Variants in RASAL3 observed in about 807,000 individuals in gnomAD.
The protein encoded by RASAL3 is RAS protein activator like-3.
A neutral mutation model predicts 105.5 loss-of-function variants in RASAL3; 74 were observed. The observed-to-expected ratio is 0.70, with a 90% CI of 0.58 to 0.85. RASAL3 has a LOEUF of 0.85. Among genes scored for constraint, RASAL3 ranks in the 40% least tolerant of loss-of-function variants. RASAL3 has a pLI of 0.00. For synonymous variants in RASAL3, 579 were observed against 591.6 expected (o/e 0.98, Z 0.31); for missense variants, 1,352 against 1,392.0 (o/e 0.97, Z 0.46).
At chr19:15,454,332 T>C in intron 13 of RASAL3, 29 bp downstream of exon 13, 1 of 1,588,732 alleles carries the variant, frequency 6.3e-7, no homozygotes, top group Non-Finnish European at 8.6e-7. Context: ...CAAGCCTTCT[T>C]GCCTCCCTAC....
chr19:15,461,581 G>A lies in RASAL3; in HGVS notation c.355C>T (p.Pro119Ser). 6.5e-7 allele frequency: 1 copy of A among 1,530,534 alleles called. No homozygotes were observed. The highest frequency in any genetic ancestry group is 1.4e-5 in the African/African-American group (1 of 71,428). The allele number at this position is 1,530,534 out of a possible 1,614,324, so 94.8% of individuals were successfully genotyped here. The change falls in exon 3 of 18, where the codon CCC becomes TCC. Residue 119 changes from proline to serine, a missense_variant. This residue lies in a region of RASAL3 where 344 missense variants were observed against 339.6 expected (regional missense o/e 1.01). Transcript: ENST00000343625. The part of the protein sequence containing the change: ...PELEPEPELE[P>S]PTPQIPEAPT... ...GCCTCAGGGATCTGTGGGGTAGGGG[G>A]CTCCAGCTCTGGCTCCGGCTCCAGC...
In RASAL3 at chr19:15,457,718, C is replaced by T. The variant is rs1401549589; in HGVS notation, c.1005G>A (p.Ala335=). The part of the protein sequence containing the change: ...GVRAELWLDG[A]LLARTAPRAG... ...CCCGAGGCGCCGTGCGTGCCAGCAG[C>T]GCGCCATCCAGCCACAGCTCGGCGC... is the stretch of plus-strand genomic sequence containing the variant. The change falls in exon 9 of 18, where the codon GCG becomes GCA. Residue 335 remains alanine, a synonymous_variant. Transcript: ENST00000343625. The surrounding 1 kb of genome is among the most constrained non-coding windows in gnomAD (Gnocchi z 8.6). 1 of 1,515,258 alleles carries T rather than the reference C, an allele frequency of 6.6e-7. No homozygotes were observed. Among genetic ancestry groups the T allele is most frequent in the South Asian group, 1.2e-5 (1 of 81,390 alleles). 93.9% of individuals were successfully genotyped at this position (1,515,258 alleles called of 1,614,324 possible). A position where few individuals can be genotyped will look rare whatever the true frequency, so the allele number is the denominator to read the frequency against.
rs765278733 is a variant in RASAL3 at position 15,460,270 on chromosome 19, G to T, written c.607-12C>A. The T allele has an allele frequency of 1.9e-6, 3 of 1,603,230 alleles. No homozygotes were observed. The highest frequency in any genetic ancestry group is 2.6e-6 in the Non-Finnish European group (3 of 1,174,692). On this transcript the variant is annotated splice_polypyrimidine_tract_variant and intron_variant, in intron 5 of 17. Coordinates refer to ENST00000343625, the MANE Select transcript of RASAL3 (RefSeq NM_022904.3). ...CTCTTGAGCAACCCCTGTGGGGAAG[G>T]GAATGTCAGCTGGACAGAAATCTGT...
intron 16 of RASAL3, 54 bp downstream of exon 16, chr19:15,452,604 C>G: frequency 1.6e-6 from 2 of 1,212,244 alleles, no homozygotes; most frequent in Non-Finnish European, 2.2e-6. Flanking sequence ...CTGGTCAGAT[C>G]TAATTGGATC....
At position 15,461,509 on chromosome 19, in the gene RASAL3, G is replaced by C. The variant is rs1276948424; in HGVS notation, c.427C>G (p.Leu143Val). 6.5e-7 allele frequency: 1 copy of C among 1,545,686 alleles called. No individual in the cohort carries two copies. Among genetic ancestry groups the C allele is most frequent in the Non-Finnish European group, 8.7e-7 (1 of 1,145,538 alleles). Reference protein sequence around the residue: ...PVWDIGGFTLLDGKLVLLGGE... With the variant: ...PVWDIGGFTLVDGKLVLLGGE... ...CCAAGCAGCACCAGCTTCCCATCAA[G>C]CAGGGTGAAGCCCCCAATGTCCCAG... is the stretch of plus-strand genomic sequence containing the variant. The change falls in exon 3 of 18, where the codon CTT (leucine) becomes GTT (valine). Residue 143 changes from leucine to valine, a missense_variant. This residue lies in a region of RASAL3 where 344 missense variants were observed against 339.6 expected (regional missense o/e 1.01). Coordinates refer to ENST00000343625, the MANE Select transcript of RASAL3 (RefSeq NM_022904.3).
rs189133549 is a variant in RASAL3 at position 15,464,016 on chromosome 19, G to T, written c.328+15C>A. The T allele has an allele frequency of 3.1e-5, 47 of 1,533,590 alleles. No individual in the cohort carries two copies. The East Asian group carries it at 6.6e-4, about 21-fold the overall frequency. The allele number at this position is 1,533,590 out of a possible 1,614,324, so 95.0% of individuals were successfully genotyped here. On this transcript the variant is annotated intron_variant, in intron 2 of 17. Coordinates refer to ENST00000343625, the MANE Select transcript of RASAL3 (RefSeq NM_022904.3). ...TCCCAGCCCGGCCCAAGCTCAGGGTGGGGGAACCATGTACCTGGGGCCTCC... is the reference window on the plus strand; with the variant it reads ...TCCCAGCCCGGCCCAAGCTCAGGGTTGGGGAACCATGTACCTGGGGCCTCC...
rs567299289 is a variant in RASAL3, at chr19:15,464,366, G to T, written c.-8C>A. ...TGGCGACGGTGGGTCCATGGTTGGG[G>T]GGGGGGGTCTCCTGGGGGACGAGAG... On this transcript the variant is annotated 5_prime_UTR_variant, in exon 2 of 18. Transcript: ENST00000343625. 11 of 1,577,542 alleles carry T rather than the reference G, an allele frequency of 7.0e-6. No individual in the cohort carries two copies. The South Asian group carries it at 1.0e-4, about 14-fold the overall frequency.
chr19:15,463,846 C>A (rs1970584842), intron 2 of RASAL3, among the ~76,000 whole-genome samples, 185 bp downstream of exon 2: 1 of 152,174 alleles, frequency 6.6e-6, no homozygotes, highest in African/African-American at 2.4e-5. Context: ...AGGACCCCGG[C>A]AACTCCTCCT....
At chr19:15,452,427 G>A in intron 16 of RASAL3, 1 of 593,914 alleles carries the variant, frequency 1.7e-6, no homozygotes, top group Non-Finnish European at 3.0e-6. Context: ...TGATGGAGGG[G>A]TGGGGCCTGG....
Position 15,453,376 on chromosome 19 carries a change from G to A in RASAL3, c.2401C>T (p.Arg801Trp), listed in dbSNP as rs546889324. The A allele has an allele frequency of 1.4e-5, 20 of 1,459,752 alleles. No homozygotes were observed. In the African/African-American group the frequency reaches 3.0e-4, roughly 22 times the overall value. 90.4% of individuals were successfully genotyped at this position (1,459,752 alleles called of 1,614,324 possible). A position where few individuals can be genotyped will look rare whatever the true frequency, so the allele number is the denominator to read the frequency against. ...CGCAGGGGCCGCTCTTCGTCCGGCCGTGGCCGGGCCCAACTCTCTGAGCGG... is the reference window on the plus strand; with the variant it reads ...CGCAGGGGCCGCTCTTCGTCCGGCCATGGCCGGGCCCAACTCTCTGAGCGG... ...VRRSESWARP[R>W]PDEERPLRRP... Residue 801 changes from arginine to tryptophan, a missense_variant, in exon 15 of 18, where the codon CGG becomes TGG. Arg to Trp is a moderately radical substitution (Grantham distance 101). Coordinates refer to ENST00000343625, the MANE Select transcript of RASAL3 (RefSeq NM_022904.3). The surrounding 1 kb of genome is among the most constrained non-coding windows in gnomAD (Gnocchi z 4.2).
At position 15,457,646 on chromosome 19, in the gene RASAL3, C is replaced by A; in HGVS notation, c.1077G>T (p.Ala359=). 3.5e-6 allele frequency: 5 copies of A among 1,419,072 alleles called. No individual in the cohort carries two copies. The highest frequency in any genetic ancestry group is 3.7e-6 in the Non-Finnish European group (4 of 1,086,448). The allele number at this position is 1,419,072 out of a possible 1,614,324, so 87.9% of individuals were successfully genotyped here. Residue 359 remains alanine (A), a synonymous_variant, in exon 9 of 18, where the codon GCG becomes GCT. Coordinates refer to ENST00000343625, the MANE Select transcript of RASAL3 (RefSeq NM_022904.3). The surrounding 1 kb of genome is among the most constrained non-coding windows in gnomAD (Gnocchi z 8.6). ...GCGACAGGCGACGTGCCGGTGGCAG[C>A]GCCTCGAAGTGGAAGCGCTCGGCCC... The part of the protein sequence containing the change: ...LFWAERFHFE[A]LPPARRLSLR...
In RASAL3 at chr19:15,459,242, T is replaced by TTTATTTATTTATTTATTTAC. The variant is rs1376962728; in HGVS notation, c.663-588_663-587insGTAAATAAATAAATAAATAA. Among the ~76,000 whole-genome samples the TTTATTTATTTATTTATTTAC allele has an allele frequency of 8.0e-5, 12 of 149,280 alleles. No individual in the cohort carries two copies. The East Asian group carries it at 1.4e-3, about 17-fold the overall frequency. On this transcript the variant is annotated intron_variant, in intron 6 of 17. Coordinates refer to ENST00000343625, the MANE Select transcript of RASAL3 (RefSeq NM_022904.3). Reference sequence around the variant, plus strand: ...GTGTGAGCCACCGTGCCCAGCCCTATTTATTTATTTATTTATTTATTGAGA... The same window carrying TTTATTTATTTATTTATTTAC: ...GTGTGAGCCACCGTGCCCAGCCCTATTTATTTATTTATTTATTTACTTATTTATTTATTTATTTATTGAGA...
chr19:15,461,440 C>T (rs1970506761), intron 3 of RASAL3, 31 bp downstream of exon 3: 3 of 1,541,780 alleles, frequency 1.9e-6, no homozygotes, highest in Non-Finnish European at 2.6e-6. Flanking sequence ...TCTTTCTTCC[C>T]TCCTCCCCTT....
At chr19:15,455,813 C>A (rs1018364147) in intron 11 of RASAL3, among the ~76,000 whole-genome samples, 1 of 152,160 alleles carries the variant, frequency 6.6e-6, no homozygotes, top group Admixed American at 6.5e-5. Context: ...ATGCCTAGCT[C>A]ATTTTTAAAA....
At chr19:15,462,051 A>G (rs374345105) in intron 2 of RASAL3, among the ~76,000 whole-genome samples, 79 of 152,102 alleles carry the variant, frequency 5.2e-4, no homozygotes, top group African/African-American at 1.8e-3. Flanking sequence ...TGGGTCCAAG[A>G]GGTTAAAAAA....
In RASAL3 at chr19:15,454,729, T is replaced by C; in HGVS notation, c.1886A>G (p.His629Arg). 6.2e-7 allele frequency: 1 copy of C among 1,610,492 alleles called. No individual in the cohort carries two copies. Among genetic ancestry groups the C allele is most frequent in the Non-Finnish European group, 8.5e-7 (1 of 1,178,456 alleles). ...APSLFGLAPD[H>R]PAPGPARTLT... is the part of the protein sequence containing the mutation. ...GGTGCGGGCTGGGCCGGGTGCTGGA[T>C]GGTCTGGTGCCAAACCAAAGAGGCT... Residue 629 changes from histidine (H) to arginine (R), a missense_variant, in exon 12 of 18, where the codon CAT becomes CGT. Coordinates refer to ENST00000343625, the MANE Select transcript of RASAL3 (RefSeq NM_022904.3).
chr19:15,456,133 CT>C lies in RASAL3; in HGVS notation c.1691del (p.Glu564GlyfsTer77). The C allele has an allele frequency of 6.2e-7, 1 of 1,613,830 alleles. No individual in the cohort carries two copies. Among genetic ancestry groups the C allele is most frequent in the Non-Finnish European group, 8.5e-7 (1 of 1,179,814 alleles). On this transcript the variant is annotated frameshift_variant, in exon 11 of 18. Coordinates refer to ENST00000343625, the MANE Select transcript of RASAL3 (RefSeq NM_022904.3). LOFTEE classifies it high-confidence loss of function. This position sits in a 1 kb window ranked among gnomAD's most constrained non-coding sequence, Gnocchi z 4.4. ...AGGAATGGATAATGGTTTCGAAGAC[CT>C]CCTCGCAGCTGTTCCGAAGTCTGGC... ...HQARLRNSCE[E>X]VFETIIHSYD...
intron 6 of RASAL3, 118 bp from the exon 7 acceptor site, chr19:15,458,773 C>T (rs1279528922): frequency 4.5e-5 from 58 of 1,302,938 alleles, no homozygotes; most frequent in South Asian, 7.5e-5. Context: ...GTTTCTCCCC[C>T]GTGCCCCCCC....
In RASAL3 at chr19:15,456,833, C is replaced by T; in HGVS notation, c.1432-187G>A. 1 of 716,290 alleles carries T rather than the reference C, an allele frequency of 1.4e-6. No individual in the cohort carries two copies. The highest frequency in any genetic ancestry group is 2.3e-6 in the Non-Finnish European group (1 of 443,026). 44.4% of individuals were successfully genotyped at this position (716,290 alleles called of 1,614,324 possible). A position where few individuals can be genotyped will look rare whatever the true frequency, so the allele number is the denominator to read the frequency against. ...CTAACCCTCACAGCAGAAATTTAAG[C>T]CTTTCAGCGCTGAGGTGCAACCTGG... is the stretch of plus-strand genomic sequence containing the variant. On this transcript the variant is annotated intron_variant, in intron 9 of 17. Transcript: ENST00000343625. The surrounding 1 kb of genome is among the most constrained non-coding windows in gnomAD (Gnocchi z 4.4).
Sources: allele counts gnomAD v4.1 joint callset (sites outside exome capture counted in the v4.1 genomes callset), GRCh38; gene constraint gnomAD v4.1.1; regional missense constraint gnomAD v4.1.1; non-coding constraint Gnocchi (gnomAD v3.1); transcripts MANE v1.5; gene names NCBI Gene and HGNC (gene_info 2026-07-23, HGNC 2026-07-21).